The following HS3ST2 variants were observed in gnomAD, a reference collection of about 807,000 sequenced individuals.
HS3ST2 encodes heparan sulfate-glucosamine 3-sulfotransferase 2.
A neutral mutation model predicts 26.3 loss-of-function variants in HS3ST2; 17 were observed. That is an observed-to-expected ratio of 0.65 (90% CI 0.44 to 0.97). The LOEUF (loss-of-function observed/expected upper bound fraction) is 0.97. HS3ST2 is among the 50% of genes least tolerant of loss of function. HS3ST2 has a pLI of 0.00. For synonymous variants in HS3ST2, 237 were observed against 219.2 expected, an observed-to-expected ratio of 1.08 and a Z score of -0.72; for missense variants, 402 against 501.2, an observed-to-expected ratio of 0.80 and a Z score of 1.89.
chr16:22,814,892 C>G lies in HS3ST2; in HGVS notation c.282C>G (p.Pro94=), dbSNP rs769338246. ...CCAGCGCGCCCGCCGCCGCCGTGCC[C>G]GCCCCTCGCCTCTCCGGTTCCAACC... ...SAPSAPAAAV[P]APRLSGSNHS... is the part of the protein sequence containing the mutation. Residue 94 remains proline (P), a synonymous_variant, in exon 1 of 2, where the codon CCC becomes CCG. Transcript: ENST00000261374. 4 of 1,567,036 alleles carry G rather than the reference C, an allele frequency of 2.6e-6. No homozygotes were observed. The highest frequency in any genetic ancestry group is 3.5e-6 in the Non-Finnish European group (4 of 1,157,048).
chr16:22,823,032 G>T (rs555669568), intron 1 of HS3ST2, among the ~76,000 whole-genome samples: 210 of 152,192 alleles, frequency 1.4e-3, no homozygotes, highest in African/African-American at 4.9e-3. Flanking sequence ...CTAAAGATAT[G>T]CTATGGATTT....
At chr16:22,871,238 C>G (rs187684970) in intron 1 of HS3ST2, among the ~76,000 whole-genome samples, 10 of 152,144 alleles carry the variant, frequency 6.6e-5, no homozygotes, top group Non-Finnish European at 1.0e-4. Context: ...CGCCTGCAGT[C>G]CCAGCTACTT....
At chr16:22,913,248 G>GT (rs1350092793) in intron 1 of HS3ST2, among the ~76,000 whole-genome samples, 1 of 151,704 alleles carries the variant, frequency 6.6e-6, no homozygotes, top group African/African-American at 2.4e-5. Context: ...AAAAATGCAC[G>GT]TAAGGGTCAA....
chr16:22,903,825 C>T (rs208637), intron 1 of HS3ST2, among the ~76,000 whole-genome samples: 73,720 of 151,924 alleles, frequency 0.49, 18,515 homozygotes, highest in Admixed American at 0.56. Context: ...ACTTGCAAGC[C>T]GTGGGTCACA....
intron 1 of HS3ST2, among the ~76,000 whole-genome samples, chr16:22,885,334 A>G (rs573387721): frequency 1.0e-4 from 14 of 139,984 alleles, no homozygotes; most frequent in East Asian, 7.8e-4. Flanking sequence ...AGAGGAGGGG[A>G]AAAAAAAACA....
intron 1 of HS3ST2, chr16:22,833,183 A>G (rs1454817429): frequency 2.2e-6 from 1 of 455,538 alleles, no homozygotes; most frequent in Non-Finnish European, 4.4e-6. Flanking sequence ...ACCTGGCTGT[A>G]TTGCTTGCAC....
intron 1 of HS3ST2, among the ~76,000 whole-genome samples, chr16:22,891,439 A>G (rs1333574905): frequency 6.6e-6 from 1 of 151,908 alleles, no homozygotes; most frequent in Admixed American, 6.6e-5. Flanking sequence ...AAGTAGCGAA[A>G]CAGAAATTCA....
chr16:22,910,662 T>G (rs1210712219), intron 1 of HS3ST2, among the ~76,000 whole-genome samples: 1 of 152,256 alleles, frequency 6.6e-6, no homozygotes, highest in Non-Finnish European at 1.5e-5. Flanking sequence ...TACTCAATAC[T>G]AATAAATACG....
At chr16:22,846,975 G>C (rs13331003) in intron 1 of HS3ST2, among the ~76,000 whole-genome samples, 20,023 of 152,148 alleles carry the variant, frequency 0.13, 1,359 homozygotes, top group South Asian at 0.22. Context: ...AACAGGGATA[G>C]ATTGTTTTTA....
chr16:22,871,112 C>T (rs1163745935), intron 1 of HS3ST2, among the ~76,000 whole-genome samples: 4 of 152,166 alleles, frequency 2.6e-5, no homozygotes, highest in Non-Finnish European at 4.4e-5. Flanking sequence ...AATCCCAGCA[C>T]TTTGGGAGAC....
At chr16:22,899,066 T>C (rs538511771) in intron 1 of HS3ST2, among the ~76,000 whole-genome samples, 2 of 152,254 alleles carry the variant, frequency 1.3e-5, no homozygotes, top group African/African-American at 4.8e-5. Flanking sequence ...GCAAAACCAT[T>C]AATACCCCCG....
chr16:22,898,161 A>G (rs1567499614), intron 1 of HS3ST2, among the ~76,000 whole-genome samples: 1 of 152,238 alleles, frequency 6.6e-6, no homozygotes, highest in Admixed American at 6.5e-5. Flanking sequence ...GGCATGGCAC[A>G]GTGACAAGGA....
At position 22,915,680 on chromosome 16, in the gene HS3ST2, G is replaced by T; in HGVS notation, c.*118G>T. 1 of 1,135,518 alleles carries T rather than the reference G, an allele frequency of 8.8e-7. No individual in the cohort carries two copies. The highest frequency in any genetic ancestry group is 2.5e-5 in the Admixed American group (1 of 40,276). The allele number at this position is 1,135,518 out of a possible 1,614,324, so 70.3% of individuals were successfully genotyped here. A position where few individuals can be genotyped will look rare whatever the true frequency, so the allele number is the denominator to read the frequency against. On this transcript the variant is annotated 3_prime_UTR_variant, in exon 2 of 2. Transcript: ENST00000261374. ...TGGCTCCAGCCCCCTTTCCCAACTT[G>T]AGTTGCATCATCTTGGAACCAGGAA...
rs368397948 is a variant in HS3ST2 at position 22,814,985 on chromosome 16, G to C, written c.375G>C (p.Gly125=). 1.9e-6 allele frequency: 3 copies of C among 1,612,846 alleles called. No homozygotes were observed. In the African/African-American group the frequency reaches 4.0e-5, roughly 22 times the overall value. ...CCCTCATTGTGGGCGTGAAGAAGGGGGGCACCCGGGCCGTGCTGGAGTTTA... is the reference window on the plus strand; with the variant it reads ...CCCTCATTGTGGGCGTGAAGAAGGGCGGCACCCGGGCCGTGCTGGAGTTTA... ...PQALIVGVKK[G]GTRAVLEFIR... The change falls in exon 1 of 2, where the codon GGG becomes GGC. Residue 125 remains glycine (G), a synonymous_variant. Transcript: ENST00000261374.
chr16:22,837,017 A>C (rs1246573050), intron 1 of HS3ST2, among the ~76,000 whole-genome samples: 1 of 151,940 alleles, frequency 6.6e-6, no homozygotes, highest in Middle Eastern at 3.4e-3. Flanking sequence ...TAGGTCATCT[A>C]TGTGTGTGTG....
chr16:22,829,932 A>G (rs2141177814), intron 1 of HS3ST2, among the ~76,000 whole-genome samples: 1 of 152,318 alleles, frequency 6.6e-6, no homozygotes, highest in South Asian at 2.1e-4. Context: ...CTGTCATCAC[A>G]CAGACCTTGG....
chr16:22,910,617 G>A (rs1020107010), intron 1 of HS3ST2, among the ~76,000 whole-genome samples: 3 of 151,912 alleles, frequency 2.0e-5, no homozygotes, highest in Non-Finnish European at 2.9e-5. Context: ...TTTTTTAATT[G>A]TCTACTCAAT....
chr16:22,822,379 G>A (rs929005023), intron 1 of HS3ST2, among the ~76,000 whole-genome samples: 1 of 152,076 alleles, frequency 6.6e-6, no homozygotes, highest in South Asian at 2.1e-4. Context: ...TGTTGCCCAG[G>A]CTGGTCTCAA....
chr16:22,853,285 C>T (rs1901543253), intron 1 of HS3ST2, among the ~76,000 whole-genome samples: 2 of 152,200 alleles, frequency 1.3e-5, no homozygotes, highest in African/African-American at 2.4e-5. Context: ...CAGGTGGACT[C>T]ATACAGTGCA....
Sources: gnomAD v4.1 joint callset for allele counts (sites outside exome capture counted in the v4.1 genomes callset) on GRCh38, gnomAD v4.1.1 for gene constraint, MANE v1.5 for transcripts, NCBI Gene and HGNC (gene_info 2026-07-23, HGNC 2026-07-21) for gene names.